NTRK2: variants seen among roughly 807,000 people sequenced by gnomAD.
NTRK2 encodes neurotrophic receptor tyrosine kinase 2, also known as BDNF/NT-3 growth factors receptor.
A neutral mutation model predicts 94.5 loss-of-function variants in NTRK2; 13 were observed. That is an observed-to-expected ratio of 0.14 (90% CI 0.09 to 0.22). The LOEUF (loss-of-function observed/expected upper bound fraction) is 0.22. NTRK2 is among the 10% of genes least tolerant of loss of function. NTRK2 has a pLI of 1.00. For synonymous variants in NTRK2, 372 were observed against 407.4 expected, an observed-to-expected ratio of 0.91 and a Z score of 1.05; for missense variants, 639 against 1,071.2, an observed-to-expected ratio of 0.60 and a Z score of 5.63.
At chr9:84,823,530 G>A (rs1343786748) in intron 12 of NTRK2, among the ~76,000 whole-genome samples, 3 of 152,208 alleles carry the variant, frequency 2.0e-5, no homozygotes, top group African/African-American at 4.8e-5. Context: ...TTTCTATGTG[G>A]TAGACCATAG....
intron 10 of NTRK2, among the ~76,000 whole-genome samples, chr9:84,743,535 G>A (rs994210852): frequency 2.0e-5 from 3 of 152,110 alleles, no homozygotes; most frequent in African/African-American, 7.2e-5. Flanking sequence ...GTGTTGTTGT[G>A]TTTGTATTTG....
intron 12 of NTRK2, among the ~76,000 whole-genome samples, chr9:84,823,950 A>G (rs1378901955): frequency 6.6e-6 from 1 of 152,144 alleles, no homozygotes; most frequent in Admixed American, 6.5e-5. Context: ...ATTCATGTGC[A>G]AGTAATTTAT....
At chr9:84,918,262 C>T (rs768776434) in intron 14 of NTRK2, among the ~76,000 whole-genome samples, 62 of 152,210 alleles carry the variant, frequency 4.1e-4, no homozygotes, top group Non-Finnish European at 1.0e-4. Flanking sequence ...AACTGGCTGG[C>T]CATCATACAC....
intron 12 of NTRK2, among the ~76,000 whole-genome samples, chr9:84,859,399 C>A (rs2075225288): frequency 6.6e-6 from 1 of 152,134 alleles, no homozygotes; most frequent in South Asian, 2.1e-4. Flanking sequence ...AATTTGATAA[C>A]CTGTATTGAG....
intron 12 of NTRK2, among the ~76,000 whole-genome samples, chr9:84,843,226 C>A (rs191022720): frequency 9.9e-5 from 15 of 152,266 alleles, no homozygotes; most frequent in Admixed American, 9.8e-4. Flanking sequence ...GGTTGGTTCC[C>A]TGGGTCTACA....
chr9:84,682,938 T>C (rs1237506022), intron 2 of NTRK2, among the ~76,000 whole-genome samples: 2 of 152,204 alleles, frequency 1.3e-5, no homozygotes, highest in African/African-American at 4.8e-5. Flanking sequence ...AACTCCAGTG[T>C]ACAAGTTCTT....
intron 14 of NTRK2, among the ~76,000 whole-genome samples, chr9:84,928,846 A>G (rs1046789663): frequency 2.6e-5 from 4 of 152,152 alleles, no homozygotes; most frequent in African/African-American, 9.7e-5. Context: ...TTTAGAGTAT[A>G]TTAGTTTTAA....
chr9:84,906,126 G>T (rs1050702524), intron 14 of NTRK2, among the ~76,000 whole-genome samples: 2 of 152,174 alleles, frequency 1.3e-5, no homozygotes. Flanking sequence ...AATCCCTATG[G>T]AAGGGAGATT....
At chr9:84,689,088 A>T (rs1251058671) in intron 2 of NTRK2, among the ~76,000 whole-genome samples, 1 of 152,242 alleles carries the variant, frequency 6.6e-6, no homozygotes, top group Admixed American at 6.5e-5. Context: ...CCTGACACAC[A>T]GTTCGCACTC....
upstream of NTRK2, chr9:84,669,315 A>G (rs1054803626): frequency 2.0e-5 from 3 of 152,588 alleles, no homozygotes; most frequent in African/African-American, 7.2e-5. This position sits in a 1 kb window ranked among gnomAD's most constrained non-coding sequence, Gnocchi z 4.1. Context: ...TGAACCAAGC[A>G]CGGTTTCCAT....
intron 12 of NTRK2, among the ~76,000 whole-genome samples, chr9:84,831,868 G>A (rs1263227128): frequency 6.6e-6 from 1 of 152,162 alleles, no homozygotes; most frequent in Non-Finnish European, 1.5e-5. Flanking sequence ...TGGAAGAGTA[G>A]GTTCTGATTC....
intron 12 of NTRK2, chr9:84,812,440 C>T (rs1046791318): frequency 7.6e-6 from 8 of 1,054,520 alleles, no homozygotes; most frequent in Admixed American, 5.5e-5. Flanking sequence ...GGGCAGCTGG[C>T]CCCCAATGTG....
At chr9:84,902,202 A>T (rs2076950442) in intron 14 of NTRK2, among the ~76,000 whole-genome samples, 2 of 152,080 alleles carry the variant, frequency 1.3e-5, no homozygotes, top group South Asian at 2.1e-4. Context: ...TCTAAAAAAA[A>T]AAAAATTAAA....
chr9:84,888,537 C>T (rs1347918257), intron 14 of NTRK2, among the ~76,000 whole-genome samples: 2 of 136,136 alleles, frequency 1.5e-5, no homozygotes, highest in African/African-American at 2.7e-5. Context: ...CGCTTGAACC[C>T]GGGAGGCAGA....
chr9:84,908,607 G>A (rs1043395940), intron 14 of NTRK2, among the ~76,000 whole-genome samples: 9 of 152,166 alleles, frequency 5.9e-5, no homozygotes, highest in Non-Finnish European at 1.2e-4. Context: ...AAAACATTAA[G>A]TCAACAAACA....
intron 9 of NTRK2, among the ~76,000 whole-genome samples, chr9:84,740,871 C>T (rs147181809): frequency 1.3e-5 from 2 of 152,296 alleles, no homozygotes; most frequent in Non-Finnish European, 2.9e-5. Flanking sequence ...AAAATTGGCT[C>T]ATTTCGCTTT....
chr9:84,867,655 C>G (rs1256222555), intron 14 of NTRK2, among the ~76,000 whole-genome samples: 2 of 152,176 alleles, frequency 1.3e-5, no homozygotes, highest in Non-Finnish European at 2.9e-5. Flanking sequence ...CAGATACTGA[C>G]TCTCTTGGGA....
chr9:84,812,383 C>T (rs918106349), intron 12 of NTRK2: 6 of 1,058,272 alleles, frequency 5.7e-6, no homozygotes, highest in Non-Finnish European at 6.9e-6. Flanking sequence ...AAAGCAGAAA[C>T]ATGCCGCCAG....
intron 12 of NTRK2, among the ~76,000 whole-genome samples, chr9:84,766,393 T>C (rs534276226): frequency 6.6e-6 from 1 of 152,096 alleles, no homozygotes; most frequent in Non-Finnish European, 1.5e-5. Flanking sequence ...TGTTGTTGTT[T>C]TGTTTTTTTA....
Sources: allele counts gnomAD v4.1 joint callset (sites outside exome capture counted in the v4.1 genomes callset), GRCh38; gene constraint gnomAD v4.1.1; non-coding constraint Gnocchi (gnomAD v3.1); transcripts MANE v1.5; gene names NCBI Gene and HGNC (gene_info 2026-07-23, HGNC 2026-07-21).